Variants in NPFFR2 observed in about 807,000 individuals in gnomAD.
NPFFR2 encodes the protein G-protein coupled receptor 74.
A neutral mutation model predicts 13.1 loss-of-function variants in NPFFR2; 15 were observed. The ratio of observed to expected loss-of-function variants is 1.15; its 90% CI spans 0.77 to 1.76. The LOEUF is 1.76. Ranked by LOEUF, NPFFR2 falls within the 40% of genes most tolerant of loss-of-function variation. The probability of loss-of-function intolerance (pLI) is 0.00; values close to 1 mark genes in which losing one functional copy is unlikely to be tolerated. For synonymous variants in NPFFR2, 190 were observed against 175.7 expected (o/e 1.08, Z -0.65); for missense variants, 572 against 503.5 (o/e 1.14, Z -1.30).
At chr4:72,066,807 A>C (rs1230651857) in intron 1 of NPFFR2, among the ~76,000 whole-genome samples, 3 of 152,106 alleles carry the variant, frequency 2.0e-5, no homozygotes, top group Non-Finnish European at 4.4e-5. Flanking sequence ...GCTCCAGGGG[A>C]CTACAACCCC....
At chr4:72,060,119 C>T (rs534011805) in intron 1 of NPFFR2, among the ~76,000 whole-genome samples, 1 of 152,166 alleles carries the variant, frequency 6.6e-6, no homozygotes, top group South Asian at 2.1e-4. Flanking sequence ...TATAGTTTTC[C>T]ATTGTAGTGA....
chr4:72,064,460 A>T (rs539174431), intron 1 of NPFFR2, among the ~76,000 whole-genome samples: 48 of 152,268 alleles, frequency 3.2e-4, no homozygotes, highest in Non-Finnish European at 4.6e-4. Context: ...AGCCAGAGAG[A>T]GTGTGAGCAA....
chr4:72,096,861 A>G (rs1272330872), intron 1 of NPFFR2, among the ~76,000 whole-genome samples: 1 of 152,102 alleles, frequency 6.6e-6, no homozygotes. Context: ...TGATAAGCTC[A>G]TTGTAAAATA....
At chr4:72,072,969 T>C (rs894891549) in intron 1 of NPFFR2, among the ~76,000 whole-genome samples, 5 of 152,098 alleles carry the variant, frequency 3.3e-5, no homozygotes, top group Non-Finnish European at 5.9e-5. Context: ...TATTTATCAG[T>C]AATTGCTTTT....
chr4:72,041,847 T>C (rs1284477725), intron 1 of NPFFR2, among the ~76,000 whole-genome samples: 2 of 152,172 alleles, frequency 1.3e-5, no homozygotes, highest in East Asian at 3.9e-4. Flanking sequence ...GGAGTTTATT[T>C]TTTCTTGATT....
intron 1 of NPFFR2, among the ~76,000 whole-genome samples, chr4:72,035,224 G>T (rs550859392): frequency 2.0e-5 from 3 of 152,206 alleles, no homozygotes; most frequent in Non-Finnish European, 4.4e-5. Context: ...CCTAATAGAA[G>T]AAATTAATAG....
At chr4:72,060,171 T>C (rs907592630) in intron 1 of NPFFR2, among the ~76,000 whole-genome samples, 1 of 152,128 alleles carries the variant, frequency 6.6e-6, no homozygotes, top group Non-Finnish European at 1.5e-5. Context: ...AGTATAACTT[T>C]AGTGGAAAGT....
At chr4:72,141,916 G>A (rs1187322497) in intron 3 of NPFFR2, among the ~76,000 whole-genome samples, 1 of 152,118 alleles carries the variant, frequency 6.6e-6, no homozygotes, top group Non-Finnish European at 1.5e-5. Flanking sequence ...AGGTCTCTAA[G>A]GACTTGCTTT....
At chr4:72,054,260 C>A (rs557229039) in intron 1 of NPFFR2, among the ~76,000 whole-genome samples, 40 of 151,982 alleles carry the variant, frequency 2.6e-4, no homozygotes, top group African/African-American at 9.2e-4. Context: ...GTAATTGAGA[C>A]AGTGTTGTTG....
chr4:72,098,191 A>C (rs1318750991), intron 1 of NPFFR2, among the ~76,000 whole-genome samples: 1 of 152,194 alleles, frequency 6.6e-6, no homozygotes, highest in East Asian at 1.9e-4. Context: ...TATGAAATCT[A>C]TGGGATTAAA....
At chr4:72,129,180 A>G (rs1722160489) in intron 2 of NPFFR2, among the ~76,000 whole-genome samples, 1 of 152,196 alleles carries the variant, frequency 6.6e-6, no homozygotes, top group Non-Finnish European at 1.5e-5. Flanking sequence ...TGCTATTTTT[A>G]TAGAGTATTC....
intron 1 of NPFFR2, among the ~76,000 whole-genome samples, chr4:72,125,916 C>T (rs1165305562): frequency 6.6e-6 from 1 of 152,196 alleles, no homozygotes; most frequent in Non-Finnish European, 1.5e-5. Context: ...CTTGGGAAGC[C>T]ATTATGCTGC....
At chr4:72,083,479 G>A (rs1386614336) in intron 1 of NPFFR2, among the ~76,000 whole-genome samples, 1 of 151,018 alleles carries the variant, frequency 6.6e-6, no homozygotes, top group African/African-American at 2.4e-5. Flanking sequence ...AGCAGCATTT[G>A]AGTATTTGCC....
intron 1 of NPFFR2, among the ~76,000 whole-genome samples, chr4:72,064,729 A>G (rs1398086839): frequency 4.6e-5 from 7 of 152,180 alleles, no homozygotes; most frequent in Non-Finnish European, 8.8e-5. Context: ...GATACATGAA[A>G]TTGATGAGAC....
At chr4:72,034,917 T>C (rs930048525) in intron 1 of NPFFR2, among the ~76,000 whole-genome samples, 3 of 152,242 alleles carry the variant, frequency 2.0e-5, no homozygotes, top group African/African-American at 7.2e-5. Context: ...AGTTTTCAAA[T>C]ACAAGACTTC....
chr4:72,090,188 G>C (rs1378969054), intron 1 of NPFFR2, among the ~76,000 whole-genome samples: 1 of 152,000 alleles, frequency 6.6e-6, no homozygotes, highest in Non-Finnish European at 1.5e-5. Context: ...TCTATTGCCT[G>C]TCTTTATACA....
At chr4:72,036,420 G>A (rs1719038579) in intron 1 of NPFFR2, among the ~76,000 whole-genome samples, 1 of 151,882 alleles carries the variant, frequency 6.6e-6, no homozygotes, top group Admixed American at 6.6e-5. Flanking sequence ...CTAAGTGGAA[G>A]TAAGAAGCAT....
At chr4:72,053,232 A>G (rs896262644) in intron 1 of NPFFR2, among the ~76,000 whole-genome samples, 11 of 151,804 alleles carry the variant, frequency 7.2e-5, no homozygotes, top group Admixed American at 6.6e-5. Flanking sequence ...AACAATAATA[A>G]TGACAACAAC....
chr4:72,046,582 A>G (rs1422780890), intron 1 of NPFFR2, among the ~76,000 whole-genome samples: 7 of 152,184 alleles, frequency 4.6e-5, no homozygotes, highest in Admixed American at 3.3e-4. Context: ...ATAACAGCAG[A>G]AAAAAAGACA....
Sources: gnomAD v4.1 joint callset for allele counts (sites outside exome capture counted in the v4.1 genomes callset) on GRCh38, gnomAD v4.1.1 for gene constraint, MANE v1.5 for transcripts, NCBI Gene and HGNC (gene_info 2026-07-23, HGNC 2026-07-21) for gene names.